The following CEMIP2 variants were observed in gnomAD, a reference collection of about 807,000 sequenced individuals.
CEMIP2 encodes the protein cell migration inducing hyaluronidase 2, also known as cell surface hyaluronidase CEMIP2.
In CEMIP2, 79 loss-of-function variants were observed where a neutral mutation model predicts 146.9. The observed-to-expected ratio is 0.54, with a 90% confidence interval of 0.45 to 0.65. The LOEUF is 0.65. CEMIP2 is among the 30% of genes least tolerant of loss of function. The pLI, the probability that CEMIP2 is intolerant of heterozygous loss-of-function variation, is 0.00. For synonymous variants in CEMIP2, 601 were observed against 606.3 expected (o/e 0.99, Z 0.13); for missense variants, 1,596 against 1,696.2 (o/e 0.94, Z 1.04).
At position 71,730,771 on chromosome 9, in the gene CEMIP2, C is replaced by T; in HGVS notation, c.1707G>A (p.Val569=). 6.2e-7 allele frequency: 1 copy of T among 1,614,206 alleles called. No homozygotes were observed. Among genetic ancestry groups the T allele is most frequent in the South Asian group, 1.1e-5 (1 of 91,084 alleles). Residue 569 remains valine, a synonymous_variant, in exon 8 of 24, where the codon GTG becomes GTA. Coordinates refer to ENST00000377044, the MANE Select transcript of CEMIP2 (RefSeq NM_013390.3). ...YKGGYRHATF[V]DGLSIHHSFS... ...AGCTGTGATGAATAGACAGGCCGTCCACAAATGTTGCATGTCTGTATCCTC... is the reference window on the plus strand; with the variant it reads ...AGCTGTGATGAATAGACAGGCCGTCTACAAATGTTGCATGTCTGTATCCTC...
At chr9:71,726,474 A>G (rs896382905) in intron 10 of CEMIP2, among the ~76,000 whole-genome samples, 3 of 152,244 alleles carry the variant, frequency 2.0e-5, no homozygotes, top group Admixed American at 2.0e-4. Context: ...CATACAGTGT[A>G]AAAGGACAGC....
chr9:71,685,188 A>G lies in CEMIP2; in HGVS notation c.*9T>C, dbSNP rs1822016413. ...TTTTTTCCCCCAGCACTTAAGTTACAGTTAGTCTCTAATGTGCTTTTGAAG... is the reference window on the plus strand; with the variant it reads ...TTTTTTCCCCCAGCACTTAAGTTACGGTTAGTCTCTAATGTGCTTTTGAAG... On this transcript the variant is annotated 3_prime_UTR_variant, in exon 24 of 24. Transcript: ENST00000377044. 2 of 1,582,144 alleles carry G rather than the reference A, an allele frequency of 1.3e-6. No homozygotes were observed. Among genetic ancestry groups the G allele is most frequent in the Non-Finnish European group, 1.7e-6 (2 of 1,163,280 alleles).
At chr9:71,744,588 C>G (rs1824020043) in intron 4 of CEMIP2, among the ~76,000 whole-genome samples, 5 of 152,214 alleles carry the variant, frequency 3.3e-5, no homozygotes, top group Admixed American at 3.3e-4. Context: ...ATTCTACCCC[C>G]TCAGCCTTTT....
chr9:71,756,310 T>A (rs1433510270), intron 1 of CEMIP2, among the ~76,000 whole-genome samples: 1 of 149,272 alleles, frequency 6.7e-6, no homozygotes, highest in Non-Finnish European at 1.5e-5. Flanking sequence ...CTAGCATATA[T>A]ATATGTGCGT....
chr9:71,766,087 A>G (rs1244203086), intron 1 of CEMIP2, among the ~76,000 whole-genome samples: 1 of 143,328 alleles, frequency 7.0e-6, no homozygotes, highest in Non-Finnish European at 1.5e-5. Context: ...TTTTTTTTTC[A>G]GATGGAGTCT....
At chr9:71,718,934 TTC>T (rs956732526) in intron 12 of CEMIP2, among the ~76,000 whole-genome samples, 5 of 152,120 alleles carry the variant, frequency 3.3e-5, no homozygotes, top group Non-Finnish European at 5.9e-5. Flanking sequence ...TTTCTTTTTC[TTC>T]TCTCTAAAAC....
intron 16 of CEMIP2, among the ~76,000 whole-genome samples, chr9:71,710,919 C>G (rs1822886962): frequency 6.6e-6 from 1 of 152,202 alleles, no homozygotes; most frequent in Admixed American, 6.5e-5. Context: ...GAAAACCAGA[C>G]ATAGACTTTG....
chr9:71,754,201 T>TAATATATTAGAATATATTAGAGTATATTA (rs1824348186), intron 1 of CEMIP2, among the ~76,000 whole-genome samples: 1 of 152,050 alleles, frequency 6.6e-6, no homozygotes, highest in Non-Finnish European at 1.5e-5. Context: ...ACCCTAGAAC[T>TAATATATTAGAATATATTAGAGTATATTA]TAAAGTATAA....
At chr9:71,704,907 T>A in intron 17 of CEMIP2, 104 bp from the exon 18 acceptor site, 1 of 1,093,450 alleles carries the variant, frequency 9.1e-7, no homozygotes, top group Non-Finnish European at 1.3e-6. Flanking sequence ...AAAAGGGAGA[T>A]TCTGTGATCT....
chr9:71,718,451 A>G (rs537676957), intron 12 of CEMIP2, among the ~76,000 whole-genome samples: 1 of 152,342 alleles, frequency 6.6e-6, no homozygotes, highest in South Asian at 2.1e-4. Flanking sequence ...AATTAATAAT[A>G]TATTTCAACA....
intron 5 of CEMIP2, among the ~76,000 whole-genome samples, chr9:71,739,136 AAC>A (rs74311996): frequency 0.07 from 10,721 of 152,150 alleles, 535 homozygotes; most frequent in South Asian, 0.19. Flanking sequence ...CGATAACTAG[AAC>A]ATACCATCTT....
intron 2 of CEMIP2, among the ~76,000 whole-genome samples, chr9:71,749,614 G>A (rs1294662386): frequency 6.6e-6 from 1 of 152,038 alleles, no homozygotes; most frequent in Non-Finnish European, 1.5e-5. Context: ...GCTGAGGCAT[G>A]AGAATCATTT....
At position 71,685,395 on chromosome 9, in the gene CEMIP2, T is replaced by TAAAAAAAAAAAAAAA. The variant is rs36080695; in HGVS notation, c.3956-17_3956-3dup. ...TGAATCCCAAAAATATGGTACTCCC[T>TAAAAAAAAAAAAAAA]AAAAAAAAAAAAAAAAAAGAAAAAG... On this transcript the variant is annotated splice_region_variant and splice_polypyrimidine_tract_variant and intron_variant, in intron 23 of 23. Coordinates refer to ENST00000377044, the MANE Select transcript of CEMIP2 (RefSeq NM_013390.3). The TAAAAAAAAAAAAAAA allele has an allele frequency of 8.5e-6, 10 of 1,178,900 alleles. No individual in the cohort carries two copies. The East Asian group carries it at 9.9e-5, about 12-fold the overall frequency. The allele number at this position is 1,178,900 out of a possible 1,614,324, so 73.0% of individuals were successfully genotyped here.
upstream of CEMIP2, among the ~76,000 whole-genome samples, chr9:71,769,318 A>T (rs1824900652): frequency 6.6e-6 from 1 of 152,180 alleles, no homozygotes; most frequent in Non-Finnish European, 1.5e-5. Flanking sequence ...CATCACCCGT[A>T]AAGAGATTTC....
At chr9:71,734,479 C>A (rs1823708221) in intron 6 of CEMIP2, among the ~76,000 whole-genome samples, 1 of 152,140 alleles carries the variant, frequency 6.6e-6, no homozygotes, top group African/African-American at 2.4e-5. Context: ...ATGTAATGAA[C>A]CTACACATCC....
chr9:71,764,909 G>A (rs1053945263), intron 1 of CEMIP2, among the ~76,000 whole-genome samples: 6 of 145,890 alleles, frequency 4.1e-5, no homozygotes, highest in African/African-American at 1.0e-4. Flanking sequence ...CAGATGCATA[G>A]CTTTTCTTCC....
At position 71,722,423 on chromosome 9, in the gene CEMIP2, T is replaced by TTAA. The variant is rs1448252410; in HGVS notation, c.2267+3_2267+4insTTA. The TTAA allele has an allele frequency of 1.2e-6, 2 of 1,607,784 alleles. No individual in the cohort carries two copies. The highest frequency in any genetic ancestry group is 2.7e-5 in the African/African-American group (2 of 74,672). On this transcript the variant is annotated splice_donor_region_variant and intron_variant, in intron 12 of 23. Transcript: ENST00000377044. The stretch of plus-strand genomic sequence containing the variant: ...TGAGTGTGACTTAAAAGAGCCAGCT[T>TTAA]TACCTTGCACTATTGTCCAAACAGA...
At chr9:71,737,762 C>T (rs1044484054) in intron 5 of CEMIP2, among the ~76,000 whole-genome samples, 2 of 152,126 alleles carry the variant, frequency 1.3e-5, no homozygotes, top group Non-Finnish European at 2.9e-5. Flanking sequence ...CTCTATAAAG[C>T]ACAGAAATAA....
In CEMIP2 at chr9:71,714,983, C is replaced by T; in HGVS notation, c.2542G>A (p.Val848Ile). ...TTCTGGTCTATTCCTCCAGTGCCTA[C>T]ATACTTGTTCTGACCACCCTGAAAG... is the stretch of plus-strand genomic sequence containing the variant. ...YGFQGGQNKY[V>I]GTGGIDQKPR... The change falls in exon 15 of 24, where the codon GTA becomes ATA. Residue 848 changes from valine (V) to isoleucine (I), a missense_variant. Transcript: ENST00000377044. 6.2e-7 allele frequency: 1 copy of T among 1,613,982 alleles called. No individual in the cohort carries two copies. The highest frequency in any genetic ancestry group is 8.5e-7 in the Non-Finnish European group (1 of 1,179,930).
Sources: gnomAD v4.1 joint callset for allele counts (sites outside exome capture counted in the v4.1 genomes callset) on GRCh38, gnomAD v4.1.1 for gene constraint, MANE v1.5 for transcripts, NCBI Gene and HGNC (gene_info 2026-07-23, HGNC 2026-07-21) for gene names.